Variants in OXR1 observed in about 807,000 individuals in gnomAD.
OXR1 encodes the protein oxidation resistance 1.
In OXR1, 41 loss-of-function variants were observed where a neutral mutation model predicts 104.6. The observed-to-expected ratio is 0.39, with a 90% confidence interval of 0.31 to 0.51. The LOEUF (loss-of-function observed/expected upper bound fraction) is 0.51, where lower values mean the gene tolerates loss of function less well. OXR1 is among the 20% of genes least tolerant of loss of function. The pLI is 0.77. For missense variants in OXR1, 955 were observed against 1,031.9 expected (o/e 0.93, Z 1.02); for synonymous variants, 348 against 348.4 (o/e 1.00, Z 0.01).
chr8:106,686,287 TAAAAA>T (rs34055157), intron 6 of OXR1, among the ~76,000 whole-genome samples: 1 of 144,740 alleles, frequency 6.9e-6, no homozygotes, highest in Non-Finnish European at 1.5e-5. Flanking sequence ...GGAAAATAAT[TAAAAA>T]AAAAAAAAAA....
At chr8:106,618,566 T>A (rs1821430281) in intron 3 of OXR1, among the ~76,000 whole-genome samples, 1 of 152,194 alleles carries the variant, frequency 6.6e-6, no homozygotes, top group Non-Finnish European at 1.5e-5. Flanking sequence ...TTGTAACAAG[T>A]CCTTAGCGAT....
At chr8:106,618,906 G>T (rs1821462316) in intron 3 of OXR1, among the ~76,000 whole-genome samples, 1 of 149,790 alleles carries the variant, frequency 6.7e-6, no homozygotes. Context: ...TTGAAGTTTT[G>T]GTCAAACAAG....
At chr8:106,328,939 G>A (rs1814591824) in intron 1 of OXR1, among the ~76,000 whole-genome samples, 1 of 152,064 alleles carries the variant, frequency 6.6e-6, no homozygotes, top group Non-Finnish European at 1.5e-5. Context: ...TACCACTTTG[G>A]CCCTCTGCTT....
intron 2 of OXR1, among the ~76,000 whole-genome samples, chr8:106,414,243 C>T (rs527246677): frequency 1.3e-5 from 2 of 152,124 alleles, no homozygotes; most frequent in South Asian, 4.2e-4. Flanking sequence ...AATGATTTAT[C>T]AGTGACGGCA....
At chr8:106,510,281 A>G (rs1004758799) in intron 2 of OXR1, among the ~76,000 whole-genome samples, 4 of 152,180 alleles carry the variant, frequency 2.6e-5, no homozygotes, top group African/African-American at 9.6e-5. Context: ...TGCCTACTCT[A>G]TGACTAGCTC....
chr8:106,527,029 A>T (rs964503317), intron 3 of OXR1, among the ~76,000 whole-genome samples: 6 of 152,228 alleles, frequency 3.9e-5, no homozygotes, highest in African/African-American at 1.4e-4. Flanking sequence ...CTTGGCCTTG[A>T]GAATCTAAAG....
intron 2 of OXR1, among the ~76,000 whole-genome samples, chr8:106,430,037 G>A (rs1457139886): frequency 6.6e-6 from 1 of 152,138 alleles, no homozygotes; most frequent in Middle Eastern, 3.2e-3. Context: ...CTGTGTGTGT[G>A]TGTGTCTGTG....
At chr8:106,347,583 G>T (rs1040118289) in intron 1 of OXR1, among the ~76,000 whole-genome samples, 14 of 152,248 alleles carry the variant, frequency 9.2e-5, no homozygotes, top group African/African-American at 3.4e-4. Flanking sequence ...CTACTAGGTT[G>T]TACAGGGACT....
intron 3 of OXR1, among the ~76,000 whole-genome samples, chr8:106,605,468 G>C (rs1355443222): frequency 6.6e-6 from 1 of 151,986 alleles, no homozygotes; most frequent in Non-Finnish European, 1.5e-5. Flanking sequence ...AAATAGCTAG[G>C]ATTTAATGGT....
At chr8:106,360,065 G>A (rs1001930928) in intron 2 of OXR1, among the ~76,000 whole-genome samples, 11 of 152,210 alleles carry the variant, frequency 7.2e-5, no homozygotes, top group African/African-American at 2.4e-4. Context: ...AATCTACCCA[G>A]ATTAAACTGA....
At chr8:106,489,215 GCT>G (rs2129834877) in intron 2 of OXR1, among the ~76,000 whole-genome samples, 1 of 151,006 alleles carries the variant, frequency 6.6e-6, no homozygotes, top group East Asian at 2.0e-4. Flanking sequence ...TCATGATTTG[GCT>G]CTCTGTTTGT....
intron 2 of OXR1, among the ~76,000 whole-genome samples, chr8:106,483,939 A>G (rs1822290259): frequency 6.6e-6 from 1 of 152,122 alleles, no homozygotes; most frequent in African/African-American, 2.4e-5. Context: ...GCCCAAGGGA[A>G]TTTGAATCAC....
At chr8:106,311,217 T>G (rs1046812442) in intron 1 of OXR1, among the ~76,000 whole-genome samples, 8 of 152,186 alleles carry the variant, frequency 5.3e-5, no homozygotes, top group African/African-American at 1.7e-4. Context: ...CAACGATAAT[T>G]TTTTAATAGT....
chr8:106,339,119 T>C (rs1165682863), intron 1 of OXR1, among the ~76,000 whole-genome samples: 2 of 152,156 alleles, frequency 1.3e-5, no homozygotes, highest in Non-Finnish European at 2.9e-5. Context: ...TACTTTTGTG[T>C]CCACATTGAT....
chr8:106,531,901 G>T (rs943742219), intron 3 of OXR1, among the ~76,000 whole-genome samples: 3 of 152,176 alleles, frequency 2.0e-5, no homozygotes, highest in African/African-American at 4.8e-5. Flanking sequence ...TAGCCAAAAA[G>T]ATGCACTTAA....
intron 1 of OXR1, among the ~76,000 whole-genome samples, chr8:106,277,387 A>T (rs1399998704): frequency 6.6e-6 from 1 of 152,178 alleles, no homozygotes; most frequent in Non-Finnish European, 1.5e-5. Context: ...AAGCAAGTAA[A>T]GATGCTAGCA....
chr8:106,698,750 A>G (rs935982783), intron 7 of OXR1, among the ~76,000 whole-genome samples: 1 of 152,054 alleles, frequency 6.6e-6, no homozygotes, highest in Non-Finnish European at 1.5e-5. Flanking sequence ...TTCCATATCC[A>G]TACTGTGTAT....
chr8:106,659,699 A>T (rs945927185), intron 3 of OXR1, among the ~76,000 whole-genome samples: 1 of 152,226 alleles, frequency 6.6e-6, no homozygotes, highest in African/African-American at 2.4e-5. Flanking sequence ...ATGGCCAAAC[A>T]CGTGTATCTG....
At chr8:106,383,012 G>T (rs17252510) in intron 2 of OXR1, among the ~76,000 whole-genome samples, 13,935 of 151,344 alleles carry the variant, frequency 0.092, 698 homozygotes, top group Middle Eastern at 0.14. Context: ...TGTAACCCTG[G>T]GTGCCTGGAA....
Sources: gnomAD v4.1 joint callset for allele counts (sites outside exome capture counted in the v4.1 genomes callset) on GRCh38, gnomAD v4.1.1 for gene constraint, MANE v1.5 for transcripts, NCBI Gene and HGNC (gene_info 2026-07-23, HGNC 2026-07-21) for gene names.